The following SMYD3 variants were observed in gnomAD, a reference collection of about 807,000 sequenced individuals.
SMYD3 encodes the protein SET and MYND domain containing 3.
A neutral mutation model predicts 57.7 loss-of-function variants in SMYD3; 36 were observed. The ratio of observed to expected loss-of-function variants is 0.62; its 90% CI spans 0.48 to 0.82. The LOEUF (loss-of-function observed/expected upper bound fraction) is 0.82, where lower values mean the gene tolerates loss of function less well. Ranked by LOEUF, SMYD3 falls within the 40% of genes least tolerant of loss-of-function variation. The probability of loss-of-function intolerance (pLI) is 0.00; values close to 1 mark genes in which losing one functional copy is unlikely to be tolerated. For missense variants in SMYD3, 515 were observed against 538.8 expected, an observed-to-expected ratio of 0.96 and a Z score of 0.44; for synonymous variants, 211 against 195.0, an observed-to-expected ratio of 1.08 and a Z score of -0.68.
chr1:246,119,409 CTTTCTTT>C (rs1442815168), intron 5 of SMYD3, among the ~76,000 whole-genome samples: 5 of 143,042 alleles, frequency 3.5e-5, no homozygotes, highest in African/African-American at 1.3e-4. Flanking sequence ...TCTTTTTGTT[CTTTCTTT>C]TTTTTTTTTT....
intron 5 of SMYD3, among the ~76,000 whole-genome samples, chr1:246,059,270 T>G (rs10924478): frequency 0.25 from 37,393 of 151,820 alleles, 5,180 homozygotes; most frequent in East Asian, 0.39. Context: ...TACAGCCAAC[T>G]CAAGTGGCAG....
At chr1:246,063,557 C>T (rs1162034390) in intron 5 of SMYD3, among the ~76,000 whole-genome samples, 2 of 150,058 alleles carry the variant, frequency 1.3e-5, no homozygotes, top group East Asian at 2.0e-4. Flanking sequence ...CCCTTCCTTC[C>T]CTTCCTTCCT....
chr1:246,045,828 A>ACTT (rs200881300), intron 5 of SMYD3, among the ~76,000 whole-genome samples: 4,637 of 152,332 alleles, frequency 0.03, 91 homozygotes, highest in South Asian at 0.043. Flanking sequence ...ATGAACAGAC[A>ACTT]CTTCTCAAAA....
intron 3 of SMYD3, among the ~76,000 whole-genome samples, chr1:246,332,990 T>C (rs921827840): frequency 3.9e-5 from 6 of 152,222 alleles, no homozygotes; most frequent in Non-Finnish European, 7.3e-5. Context: ...CTTAGGACTT[T>C]CATAGCTAGA....
chr1:246,070,439 G>T (rs1389941504), intron 5 of SMYD3, among the ~76,000 whole-genome samples: 1 of 152,130 alleles, frequency 6.6e-6, no homozygotes, highest in Non-Finnish European at 1.5e-5. Flanking sequence ...TCAAAATAAT[G>T]CGCTTTTAGT....
In SMYD3 at chr1:245,759,329, C is replaced by T. The variant is rs1167973089; in HGVS notation, c.1185+4712G>A. The stretch of plus-strand genomic sequence containing the variant: ...CCCCTCTTTCCCTCCCACCTCCCCA[C>T]ACGGTAACGTATGATGTTAAGTGTT... On this transcript the variant is annotated intron_variant, in intron 11 of 11. Transcript: ENST00000490107. Among the ~76,000 whole-genome samples, 6 of 152,054 alleles carry T rather than the reference C, an allele frequency of 3.9e-5. No homozygotes were observed. The South Asian group carries it at 1.0e-3, about 26-fold the overall frequency.
chr1:246,218,702 G>C (rs1034874696), intron 5 of SMYD3, among the ~76,000 whole-genome samples: 4 of 151,520 alleles, frequency 2.6e-5, no homozygotes, highest in East Asian at 3.9e-4. Context: ...ACTGTTATTT[G>C]TACCTTATAT....
intron 8 of SMYD3, among the ~76,000 whole-genome samples, chr1:245,898,339 G>C (rs1300153727): frequency 6.6e-6 from 1 of 152,148 alleles, no homozygotes; most frequent in African/African-American, 2.4e-5. Flanking sequence ...GTGAATGTGT[G>C]CGTGTAAGCT....
chr1:246,013,031 C>G (rs754179129), intron 5 of SMYD3, among the ~76,000 whole-genome samples: 13 of 151,772 alleles, frequency 8.6e-5, no homozygotes, highest in Non-Finnish European at 1.6e-4. Context: ...AAGGAAAACA[C>G]AGAAGTCAGG....
At chr1:246,307,927 G>A (rs1025261277) in intron 5 of SMYD3, among the ~76,000 whole-genome samples, 1 of 152,120 alleles carries the variant, frequency 6.6e-6, no homozygotes, top group African/African-American at 2.4e-5. Context: ...TCAACTCCAG[G>A]TACCTCGGTA....
At chr1:246,193,953 G>A (rs191083884) in intron 5 of SMYD3, among the ~76,000 whole-genome samples, 3 of 152,218 alleles carry the variant, frequency 2.0e-5, no homozygotes, top group Non-Finnish European at 2.9e-5. Flanking sequence ...TCATGTTCAC[G>A]CAAGCCAGTG....
At chr1:246,239,243 C>A (rs1483505793) in intron 5 of SMYD3, among the ~76,000 whole-genome samples, 1 of 152,124 alleles carries the variant, frequency 6.6e-6, no homozygotes, top group Admixed American at 6.5e-5. Flanking sequence ...GCTATCCCTC[C>A]CCTCTACCCC....
intron 10 of SMYD3, among the ~76,000 whole-genome samples, chr1:245,802,994 C>T (rs1380086549): frequency 1.3e-5 from 2 of 152,200 alleles, no homozygotes; most frequent in Non-Finnish European, 2.9e-5. Context: ...GTGGACACCA[C>T]TTGCCTCTCA....
chr1:246,080,328 T>C (rs1485863986), intron 5 of SMYD3, among the ~76,000 whole-genome samples: 1 of 151,916 alleles, frequency 6.6e-6, no homozygotes, highest in African/African-American at 2.4e-5. Context: ...CTCAGAAAAG[T>C]GGCAGCATTC....
chr1:246,177,800 C>T (rs978066426), intron 5 of SMYD3, among the ~76,000 whole-genome samples: 2 of 152,134 alleles, frequency 1.3e-5, no homozygotes, highest in Non-Finnish European at 2.9e-5. Flanking sequence ...GTTGCTACTT[C>T]GAAGGATTCA....
chr1:246,464,180 CTGATGGGA>C (rs2067850090), intron 1 of SMYD3, among the ~76,000 whole-genome samples: 1 of 152,012 alleles, frequency 6.6e-6, no homozygotes, highest in East Asian at 1.9e-4. Flanking sequence ...TGTTTAAGAG[CTGATGGGA>C]ATGTGTCAGT....
intron 10 of SMYD3, among the ~76,000 whole-genome samples, chr1:245,832,750 A>C (rs2049905694): frequency 6.6e-6 from 1 of 152,192 alleles, no homozygotes; most frequent in Non-Finnish European, 1.5e-5. Context: ...TCTCCTTTGT[A>C]TCCTTAGAAT....
chr1:246,164,880 T>C (rs1238188343), intron 5 of SMYD3, among the ~76,000 whole-genome samples: 1 of 152,256 alleles, frequency 6.6e-6, no homozygotes, highest in Non-Finnish European at 1.5e-5. Context: ...CCATGTTGGC[T>C]GCTGGAAGTA....
intron 5 of SMYD3, among the ~76,000 whole-genome samples, chr1:246,129,724 C>T (rs12131019): frequency 0.078 from 11,817 of 151,424 alleles, 911 homozygotes; most frequent in African/African-American, 0.19. Context: ...CGTCTGTTCA[C>T]GTAACATGAA....
Sources: allele counts gnomAD v4.1 joint callset (sites outside exome capture counted in the v4.1 genomes callset), GRCh38; gene constraint gnomAD v4.1.1; transcripts MANE v1.5; gene names NCBI Gene and HGNC (gene_info 2026-07-23, HGNC 2026-07-21).